Variants in SMG1 observed in about 807,000 individuals in gnomAD.
The protein encoded by SMG1 is serine/threonine-protein kinase SMG1.
Under a neutral mutation model 419.9 loss-of-function variants are expected in SMG1, and 22 were observed. The ratio of observed to expected loss-of-function variants is 0.05; its 90% CI spans 0.04 to 0.07. The LOEUF (loss-of-function observed/expected upper bound fraction) is 0.07, where lower values mean the gene tolerates loss of function less well. Among genes scored for constraint, SMG1 ranks in the 10% least tolerant of loss-of-function variants. The pLI, the probability that SMG1 is intolerant of heterozygous loss-of-function variation, is 1.00. For synonymous variants in SMG1, 1,538 were observed against 1,553.5 expected (o/e 0.99, Z 0.23); for missense variants, 3,185 against 4,342.0 (o/e 0.73, Z 7.49).
chr16:18,849,031 C>A (rs1282808081), intron 36 of SMG1, among the ~76,000 whole-genome samples, 186 bp downstream of exon 36: 1 of 122,724 alleles, frequency 8.1e-6, no homozygotes, highest in African/African-American at 3.2e-5. Flanking sequence ...GATGGTGCCA[C>A]TGCACTCCAG....
intron 11 of SMG1, 125 bp from the exon 12 acceptor site, chr16:18,877,357 T>A: frequency 3.4e-6 from 2 of 581,580 alleles, no homozygotes; most frequent in Non-Finnish European, 5.8e-6. Context: ...TGACTCCAAC[T>A]ACATGGCATT....
chr16:18,835,517 C>T (rs550743608), intron 48 of SMG1, among the ~76,000 whole-genome samples: 3 of 152,230 alleles, frequency 2.0e-5, no homozygotes, highest in South Asian at 4.1e-4. Context: ...GACACACGCC[C>T]GTGGTCCCAG....
chr16:18,857,633 C>T (rs2034985636), intron 29 of SMG1: 1 of 152,116 alleles, frequency 6.6e-6, no homozygotes, highest in Non-Finnish European at 1.5e-5. Context: ...TGCATTCACT[C>T]GAGAGAAACA....
At chr16:18,888,990 T>C (rs1158299832) in intron 6 of SMG1, among the ~76,000 whole-genome samples, 1 of 151,424 alleles carries the variant, frequency 6.6e-6, no homozygotes, top group Non-Finnish European at 1.5e-5. Flanking sequence ...GCCTGGCTAA[T>C]TTTTTTTGTA....
intron 57 of SMG1, 103 bp downstream of exon 57, chr16:18,817,187 TA>T (rs2141120160): frequency 1.4e-6 from 1 of 734,746 alleles, no homozygotes; most frequent in Non-Finnish European, 1.8e-6. Context: ...ACCTCTTACA[TA>T]CAGTATATGC....
intron 25 of SMG1, among the ~76,000 whole-genome samples, chr16:18,862,391 G>A (rs1473350080): frequency 2.0e-5 from 3 of 152,124 alleles, no homozygotes; most frequent in African/African-American, 7.2e-5. Flanking sequence ...TGCTTACAAA[G>A]GCTCTAGAGT....
chr16:18,900,885 A>G (rs1410372317), intron 1 of SMG1, among the ~76,000 whole-genome samples: 3 of 152,180 alleles, frequency 2.0e-5, no homozygotes, highest in Non-Finnish European at 4.4e-5. Flanking sequence ...AATGCCTCTT[A>G]CCTGGATTCA....
chr16:18,828,344 TG>T (rs1469801045), intron 54 of SMG1, among the ~76,000 whole-genome samples, 176 bp from the exon 55 acceptor site: 1 of 152,126 alleles, frequency 6.6e-6, no homozygotes, highest in Non-Finnish European at 1.5e-5. Flanking sequence ...CACATCCAGG[TG>T]AAAGACTTCT....
intron 62 of SMG1, among the ~76,000 whole-genome samples, chr16:18,811,168 T>G (rs1455966977): frequency 6.6e-6 from 1 of 152,166 alleles, no homozygotes; most frequent in East Asian, 1.9e-4. Context: ...AATATATACA[T>G]GTATATAATG....
chr16:18,812,198 C>A (rs2031476813), intron 60 of SMG1, 71 bp from the exon 61 acceptor site: 8 of 1,466,136 alleles, frequency 5.5e-6, no homozygotes, highest in Admixed American at 3.9e-5. Flanking sequence ...GGAGCAAGCA[C>A]GGGATAGGTG....
Position 18,805,850 on chromosome 16 carries a change from A to G in SMG1, c.*3719T>C, listed in dbSNP as rs2030777949. On this transcript the variant is annotated 3_prime_UTR_variant, in exon 63 of 63. Coordinates refer to ENST00000446231, the MANE Select transcript of SMG1 (RefSeq NM_015092.5). ...TACTCTAATTTTATGTAAAACAAAG[A>G]TGCTTAAATGTGCGAATAGTAAAGC... is the stretch of plus-strand genomic sequence containing the variant. The G allele has an allele frequency of 6.6e-6, 1 of 152,470 alleles. No homozygotes were observed. The highest frequency in any genetic ancestry group is 1.9e-4 in the East Asian group (1 of 5,204). The allele number at this position is 152,470 out of a possible 1,614,324, so 9.4% of individuals were successfully genotyped here.
At chr16:18,903,242 T>G (rs1162435375) in intron 1 of SMG1, among the ~76,000 whole-genome samples, 1 of 152,188 alleles carries the variant, frequency 6.6e-6, no homozygotes, top group Non-Finnish European at 1.5e-5. Context: ...TCCAATCAAA[T>G]TAGCCAGAAG....
At chr16:18,863,958 T>C (rs960714165) in intron 24 of SMG1, 44 bp downstream of exon 24, 3 of 1,552,406 alleles carry the variant, frequency 1.9e-6, no homozygotes, top group African/African-American at 2.7e-5. Flanking sequence ...GTACGAAATA[T>C]ATTACTATAA....
At chr16:18,905,735 C>G (rs1218325063) in intron 1 of SMG1, among the ~76,000 whole-genome samples, 5 of 151,794 alleles carry the variant, frequency 3.3e-5, no homozygotes, top group Non-Finnish European at 7.4e-5. Flanking sequence ...CCTCAGCCTC[C>G]CAAGTAGCTG....
At chr16:18,840,067 T>A (rs972018416) in intron 41 of SMG1, 121 bp from the exon 42 acceptor site, 1 of 745,858 alleles carries the variant, frequency 1.3e-6, no homozygotes. Context: ...CTCTCATTAC[T>A]CAACTAAATT....
intron 1 of SMG1, among the ~76,000 whole-genome samples, chr16:18,912,203 AAAAAG>A (rs1252063028): frequency 2.0e-5 from 3 of 146,630 alleles, no homozygotes; most frequent in Non-Finnish European, 3.0e-5. Context: ...TTTTTTTTTG[AAAAAG>A]AAAAGGGAAC....
At chr16:18,854,028 C>T (rs990008600) in intron 30 of SMG1, among the ~76,000 whole-genome samples, 161 bp from the exon 31 acceptor site, 3 of 151,552 alleles carry the variant, frequency 2.0e-5, no homozygotes, top group African/African-American at 7.3e-5. Flanking sequence ...GTCTTAGCCT[C>T]CCAAAGTGCT....
chr16:18,875,761 CA>C (rs1215377897), intron 13 of SMG1: 1 of 300,744 alleles, frequency 3.3e-6, no homozygotes, highest in Non-Finnish European at 6.1e-6. Flanking sequence ...AAAAAAGTAC[CA>C]GGGGAAGAAG....
intron 38 of SMG1, among the ~76,000 whole-genome samples, chr16:18,846,025 AG>A (rs2034244090): frequency 6.6e-6 from 1 of 152,092 alleles, no homozygotes; most frequent in African/African-American, 2.4e-5. Context: ...CATGTTGGCC[AG>A]GATGGTCTCG....
Sources: gnomAD v4.1 joint callset for allele counts (sites outside exome capture counted in the v4.1 genomes callset) on GRCh38, gnomAD v4.1.1 for gene constraint, MANE v1.5 for transcripts, NCBI Gene and HGNC (gene_info 2026-07-23, HGNC 2026-07-21) for gene names.